Variants in MCHR2 observed in about 807,000 individuals in gnomAD.
MCHR2 encodes melanin-concentrating hormone receptor 2.
MCHR2 carries 15 observed loss-of-function variants against 24.8 expected under a neutral mutation model. The observed-to-expected ratio is 0.60, with a 90% CI of 0.40 to 0.93. The LOEUF (loss-of-function observed/expected upper bound fraction) is 0.93, where lower values mean the gene tolerates loss of function less well. Ranked by LOEUF, MCHR2 falls within the 40% of genes least tolerant of loss-of-function variation. MCHR2 has a pLI of 0.00. For missense variants in MCHR2, 386 were observed against 408.7 expected, an observed-to-expected ratio of 0.94 and a Z score of 0.48; for synonymous variants, 151 against 147.6, an observed-to-expected ratio of 1.02 and a Z score of -0.17.
chr6:99,941,904 C>G (rs1400940941), intron 4 of MCHR2, among the ~76,000 whole-genome samples: 2 of 151,990 alleles, frequency 1.3e-5, no homozygotes, highest in Admixed American at 6.6e-5. Flanking sequence ...CTTTCTTTGG[C>G]TGTGTCCACA....
chr6:99,947,409 C>G (rs1001073616), intron 3 of MCHR2, among the ~76,000 whole-genome samples: 3 of 152,120 alleles, frequency 2.0e-5, no homozygotes, highest in South Asian at 4.1e-4. Context: ...TCTAGCAAAT[C>G]TCCTCACCTC....
In MCHR2 at chr6:99,919,584, C is replaced by T. The variant is rs1774182785; in HGVS notation, c.*1356G>A. ...ACACAGGCATTAAATGCATTGTTTC[C>T]TTTCCTAACTATATATAAGTCTAAA... On this transcript the variant is annotated 3_prime_UTR_variant, in exon 6 of 6. Transcript: ENST00000281806. 6.6e-6 allele frequency among the ~76,000 whole-genome samples: 1 copy of T among 152,086 alleles called. No individual in the cohort carries two copies. Among genetic ancestry groups the T allele is most frequent in the East Asian group, 1.9e-4 (1 of 5,194 alleles).
intron 1 of MCHR2, among the ~76,000 whole-genome samples, chr6:99,968,341 C>A (rs2114562223): frequency 6.6e-6 from 1 of 152,258 alleles, no homozygotes; most frequent in East Asian, 1.9e-4. Flanking sequence ...GAAAGTGGAT[C>A]ACTCCCATGA....
intron 1 of MCHR2, among the ~76,000 whole-genome samples, chr6:99,977,704 C>T (rs544932120): frequency 6.1e-4 from 92 of 151,932 alleles, no homozygotes; most frequent in Non-Finnish European, 1.0e-3. Context: ...GCTACTATGC[C>T]TAGTGGATAA....
Position 99,934,536 on chromosome 6 carries a change from A to G in MCHR2, c.588-19T>C. ...TGTATACCTGTAAAATGAGAGAGAG[A>G]AGAGAGAGAGAGAAAGAACAACACC... On this transcript the variant is annotated intron_variant, in intron 4 of 5. Coordinates refer to ENST00000281806, the MANE Select transcript of MCHR2 (RefSeq NM_001040179.2). 2.6e-6 allele frequency: 4 copies of G among 1,543,474 alleles called. No individual in the cohort carries two copies. Among genetic ancestry groups the G allele is most frequent in the Non-Finnish European group, 3.5e-6 (4 of 1,151,258 alleles).
In MCHR2 at chr6:99,934,521, TA is replaced by T; in HGVS notation, c.588-5del. ...TATCGTCAAATAAAGTGTATACCTGTAAAATGAGAGAGAGAAGAGAGAGAGA... is the reference window on the plus strand; with the variant it reads ...TATCGTCAAATAAAGTGTATACCTGTAAATGAGAGAGAGAAGAGAGAGAGA... On this transcript the variant is annotated splice_region_variant and splice_polypyrimidine_tract_variant and intron_variant, in intron 4 of 5. Coordinates refer to ENST00000281806, the MANE Select transcript of MCHR2 (RefSeq NM_001040179.2). 3.8e-6 allele frequency: 6 copies of T among 1,566,468 alleles called. No homozygotes were observed. Among genetic ancestry groups the T allele is most frequent in the South Asian group, 1.2e-5 (1 of 82,556 alleles).
chr6:99,921,203 G>GCACCAT lies in MCHR2; in HGVS notation c.754_759dup (p.Met252_Val253dup). 1.2e-6 allele frequency: 2 copies of GCACCAT among 1,614,126 alleles called. No individual in the cohort carries two copies. Among genetic ancestry groups the GCACCAT allele is most frequent in the Non-Finnish European group, 1.7e-6 (2 of 1,180,012 alleles). ...AGGATAAAGACTACCACCAGCACCA[G>GCACCAT]CACCATCTTTGTCAACTTCATCACT... On this transcript the variant is annotated inframe_insertion, in exon 6 of 6. Coordinates refer to ENST00000281806, the MANE Select transcript of MCHR2 (RefSeq NM_001040179.2).
chr6:99,922,349 C>G (rs1054988715), intron 5 of MCHR2, among the ~76,000 whole-genome samples: 1 of 152,038 alleles, frequency 6.6e-6, no homozygotes, highest in African/African-American at 2.4e-5. Context: ...CCTCGCGATC[C>G]GCCCGCCTCG....
chr6:99,973,890 C>A (rs1274631795), intron 1 of MCHR2, among the ~76,000 whole-genome samples: 1 of 152,196 alleles, frequency 6.6e-6, no homozygotes, highest in Non-Finnish European at 1.5e-5. Flanking sequence ...TATTGGCCCC[C>A]ACTCTCTTCT....
At chr6:99,925,916 G>A (rs1268642966) in intron 5 of MCHR2, among the ~76,000 whole-genome samples, 6 of 151,336 alleles carry the variant, frequency 4.0e-5, no homozygotes, top group Non-Finnish European at 7.4e-5. Flanking sequence ...CATGTGCCAT[G>A]CTGGTGTGCT....
intron 4 of MCHR2, 40 bp downstream of exon 4, chr6:99,942,909 A>G: frequency 6.5e-7 from 1 of 1,541,328 alleles, no homozygotes; most frequent in Non-Finnish European, 8.8e-7. Flanking sequence ...GTTCTTCACA[A>G]CTTAATTCAA....
intron 1 of MCHR2, among the ~76,000 whole-genome samples, chr6:99,979,125 T>C (rs1385820628): frequency 1.3e-5 from 2 of 152,132 alleles, no homozygotes; most frequent in East Asian, 3.9e-4. Context: ...ATTTTTCAGT[T>C]GATAGTGGTA....
chr6:99,984,231 G>T (rs866971562), intron 1 of MCHR2, among the ~76,000 whole-genome samples: 11 of 113,002 alleles, frequency 9.7e-5, no homozygotes, highest in African/African-American at 2.6e-4. Flanking sequence ...GTATCTTTTT[G>T]TTTTTTATTT....
rs555525066 is a variant in MCHR2 at position 99,962,562 on chromosome 6, T to G, written c.-27-6388A>C. Among the ~76,000 whole-genome samples the G allele has an allele frequency of 1.1e-4, 17 of 152,232 alleles. No individual in the cohort carries two copies. The East Asian group carries it at 3.1e-3, about 28-fold the overall frequency. ...ATATCTATATGCAAAGGAATGAAAT[T>G]GGACCCTTATCTTGCACTACACACA... On this transcript the variant is annotated intron_variant, in intron 1 of 5. Coordinates refer to ENST00000281806, the MANE Select transcript of MCHR2 (RefSeq NM_001040179.2).
chr6:99,971,873 A>G (rs1224728395), intron 1 of MCHR2, among the ~76,000 whole-genome samples: 2 of 152,148 alleles, frequency 1.3e-5, no homozygotes, highest in Admixed American at 1.3e-4. Context: ...TTATTGATTT[A>G]TGTATGTTGA....
At chr6:99,971,387 T>C (rs1775416087) in intron 1 of MCHR2, among the ~76,000 whole-genome samples, 2 of 152,072 alleles carry the variant, frequency 1.3e-5, no homozygotes, top group East Asian at 3.9e-4. Flanking sequence ...ATAAGAATGC[T>C]TGTGATTTTT....
intron 1 of MCHR2, among the ~76,000 whole-genome samples, chr6:99,985,466 C>T (rs1017685478): frequency 2.6e-5 from 4 of 151,970 alleles, no homozygotes; most frequent in South Asian, 2.1e-4. Context: ...ATGATGCTGG[C>T]GTAAAAACAG....
At chr6:99,941,573 G>A (rs757492605) in intron 4 of MCHR2, among the ~76,000 whole-genome samples, 7 of 152,186 alleles carry the variant, frequency 4.6e-5, no homozygotes, top group South Asian at 2.1e-4. Context: ...TGAGAGTCGC[G>A]CCTTCATGAA....
intron 5 of MCHR2, among the ~76,000 whole-genome samples, chr6:99,929,713 A>T (rs1385542398): frequency 1.3e-5 from 2 of 151,756 alleles, no homozygotes; most frequent in East Asian, 1.9e-4. Context: ...CCATCCTTTT[A>T]TTTTGAGCCT....
Sources: gnomAD v4.1 joint callset for allele counts (sites outside exome capture counted in the v4.1 genomes callset) on GRCh38, gnomAD v4.1.1 for gene constraint, MANE v1.5 for transcripts, NCBI Gene and HGNC (gene_info 2026-07-23, HGNC 2026-07-21) for gene names.